Variants in CLDN18 observed in about 807,000 individuals in gnomAD.
The protein encoded by CLDN18 is claudin 18.
Under a neutral mutation model 25.0 loss-of-function variants are expected in CLDN18, and 20 were observed. That is an observed-to-expected ratio of 0.80 (90% CI 0.56 to 1.16). The LOEUF is 1.16. CLDN18 is among the 50% of genes most tolerant of loss of function. The pLI is 0.00. For missense variants in CLDN18, 297 were observed against 345.4 expected (o/e 0.86, Z 1.11); for synonymous variants, 125 against 135.6 (o/e 0.92, Z 0.54).
chr3:138,017,599 G>A (rs751706187), intron 1 of CLDN18, among the ~76,000 whole-genome samples: 10 of 152,022 alleles, frequency 6.6e-5, no homozygotes, highest in South Asian at 2.1e-4. Flanking sequence ...TTTATTTCTC[G>A]CTATTGGCTG....
rs761498778 is a variant in CLDN18, at chr3:138,024,641, C to G, written c.420C>G (p.Ala140=). 3.3e-5 allele frequency: 53 copies of G among 1,613,482 alleles called. 1 individual carries two copies. In the South Asian group the frequency reaches 5.5e-4, roughly 17 times the overall value. Reference sequence around the variant, plus strand: ...CAATTGCTGGAGTGTCTGTGTTTGCCAACATGCTGGTGACTAACTTCTGGA... The same window carrying G: ...CAATTGCTGGAGTGTCTGTGTTTGCGAACATGCTGGTGACTAACTTCTGGA... The part of the protein sequence containing the change: ...LCAIAGVSVF[A]NMLVTNFWMS... The change falls in exon 3 of 5, where the codon GCC becomes GCG. Residue 140 remains alanine (A), a synonymous_variant. Coordinates refer to ENST00000183605, the MANE Select transcript of CLDN18 (RefSeq NM_016369.4).
chr3:138,022,405 C>T (rs545474775), intron 1 of CLDN18, among the ~76,000 whole-genome samples: 3 of 152,052 alleles, frequency 2.0e-5, no homozygotes, highest in Non-Finnish European at 4.4e-5. Context: ...GTTCTGGTAC[C>T]GAAATCAAGA....
intron 1 of CLDN18, among the ~76,000 whole-genome samples, chr3:138,017,037 TAG>T (rs573542811): frequency 6.8e-6 from 1 of 146,778 alleles, no homozygotes; most frequent in Non-Finnish European, 1.5e-5. Flanking sequence ...GCCTGGGTGA[TAG>T]AGTGAGACTC....
intron 1 of CLDN18, among the ~76,000 whole-genome samples, chr3:138,004,063 A>G (rs1190575239): frequency 1.3e-5 from 2 of 152,016 alleles, no homozygotes; most frequent in Non-Finnish European, 2.9e-5. Context: ...AGTCCCAGCT[A>G]CTCAGGAGGC....
In CLDN18 at chr3:138,023,730, T is replaced by C. The variant is rs746093722; in HGVS notation, c.293T>C (p.Ile98Thr). 4.3e-6 allele frequency: 7 copies of C among 1,614,028 alleles called. No homozygotes were observed. The African/African-American group carries it at 8.0e-5, about 18-fold the overall frequency. ...VLGAIGLLVS[I>T]FALKCIRIGS... ...GGTGCCATTGGCCTCCTGGTATCCA[T>C]CTTTGCCCTGAAATGCATCCGCATT... Residue 98 changes from isoleucine (I) to threonine (T), a missense_variant, in exon 2 of 5, where the codon ATC becomes ACC. By Grantham distance (89) the Ile-to-Thr change is moderately conservative. Transcript: ENST00000183605.
At chr3:138,025,284 C>T (rs1942313641) in intron 3 of CLDN18, among the ~76,000 whole-genome samples, 1 of 152,200 alleles carries the variant, frequency 6.6e-6, no homozygotes, top group Non-Finnish European at 1.5e-5. Context: ...GGGGTACAGT[C>T]TGGCAGAGGG....
chr3:138,010,553 T>C (rs1942125060), intron 1 of CLDN18, 108 bp downstream of exon 1: 2 of 1,376,150 alleles, frequency 1.5e-6, no homozygotes, highest in African/African-American at 2.9e-5. Flanking sequence ...CTGGCAGCTC[T>C]GGCTCAGAAT....
chr3:138,023,941 C>T, intron 2 of CLDN18, 119 bp downstream of exon 2: 1 of 1,034,818 alleles, frequency 9.7e-7, no homozygotes, highest in Non-Finnish European at 1.4e-6. Flanking sequence ...TACTGAGATT[C>T]ATGATCTGAG....
At chr3:138,008,821 G>C (rs1942097289), upstream of CLDN18, among the ~76,000 whole-genome samples, 1 of 151,974 alleles carries the variant, frequency 6.6e-6, no homozygotes, top group Non-Finnish European at 1.5e-5. Context: ...AAATACTCTG[G>C]AGGCTGAGGC....
At chr3:138,010,081 C>G (rs1942113914), upstream of CLDN18, 2 of 1,346,512 alleles carry the variant, frequency 1.5e-6, no homozygotes, top group Non-Finnish European at 2.0e-6. Context: ...ACTGAGCTAT[C>G]TAAGGAAAAC....
chr3:138,007,006 T>C (rs190145936), upstream of CLDN18, among the ~76,000 whole-genome samples: 284 of 152,170 alleles, frequency 1.9e-3, 2 homozygotes, highest in African/African-American at 6.2e-3. Flanking sequence ...AGATGAAAAA[T>C]AGATAACTTT....
At chr3:138,018,137 A>T (rs939913433) in intron 1 of CLDN18, among the ~76,000 whole-genome samples, 1 of 152,156 alleles carries the variant, frequency 6.6e-6, no homozygotes, top group East Asian at 1.9e-4. Context: ...TGCTATAAGA[A>T]GATTATCTTA....
chr3:138,026,072 A>G (rs1942323716), intron 3 of CLDN18, among the ~76,000 whole-genome samples: 1 of 151,894 alleles, frequency 6.6e-6, no homozygotes, highest in Non-Finnish European at 1.5e-5. Flanking sequence ...TTGTCTTCTC[A>G]TTTTCTCCAC....
intron 3 of CLDN18, among the ~76,000 whole-genome samples, chr3:138,027,798 T>C (rs1942342839): frequency 6.6e-6 from 1 of 152,080 alleles, no homozygotes; most frequent in African/African-American, 2.4e-5. Flanking sequence ...CAGCAGGAAA[T>C]CACCTAGGGA....
chr3:138,028,191 A>G (rs1942349597), intron 3 of CLDN18, among the ~76,000 whole-genome samples: 1 of 151,944 alleles, frequency 6.6e-6, no homozygotes, highest in Admixed American at 6.5e-5. Context: ...CAACTTCCCA[A>G]GTTGCTGGGA....
intron 1 of CLDN18, among the ~76,000 whole-genome samples, chr3:138,004,391 G>T (rs1054154162): frequency 3.9e-5 from 6 of 152,044 alleles, no homozygotes; most frequent in African/African-American, 7.2e-5. Flanking sequence ...TCAAAATACC[G>T]GCAAGAGTTT....
At chr3:138,004,566 A>G (rs1171281507) in intron 1 of CLDN18, 3 of 152,212 alleles carry the variant, frequency 2.0e-5, no homozygotes, top group Non-Finnish European at 4.4e-5. Flanking sequence ...AAGGATGGAC[A>G]AACAGATTAA....
upstream of CLDN18, chr3:138,009,939 G>C (rs974900104): frequency 1.2e-5 from 5 of 403,250 alleles, no homozygotes; most frequent in Non-Finnish European, 1.8e-5. Flanking sequence ...GGTCTGGCCC[G>C]GAGCAGGGAG....
intron 1 of CLDN18, among the ~76,000 whole-genome samples, chr3:138,012,977 G>A (rs1942159928): frequency 1.3e-5 from 2 of 152,182 alleles, no homozygotes; most frequent in African/African-American, 2.4e-5. Flanking sequence ...TTGTACATTT[G>A]TGTCATTCAG....
Sources: allele counts gnomAD v4.1 joint callset (sites outside exome capture counted in the v4.1 genomes callset), GRCh38; gene constraint gnomAD v4.1.1; transcripts MANE v1.5; gene names NCBI Gene and HGNC (gene_info 2026-07-23, HGNC 2026-07-21).